Variants in ADARB2 observed in about 807,000 individuals in gnomAD.
ADARB2 encodes inactive double-stranded RNA-specific editase B2.
A neutral mutation model predicts 62.2 loss-of-function variants in ADARB2; 25 were observed. That is an observed-to-expected ratio of 0.40 (90% CI 0.29 to 0.56). The LOEUF (loss-of-function observed/expected upper bound fraction) is 0.56, where lower values mean the gene tolerates loss of function less well. Among genes scored for constraint, ADARB2 ranks in the 20% least tolerant of loss-of-function variants. ADARB2 has a pLI of 0.43. For synonymous variants in ADARB2, 572 were observed against 500.8 expected (o/e 1.14, Z -1.90); for missense variants, 1,071 against 1,077.4 (o/e 0.99, Z 0.08).
At chr10:1,367,731 G>C (rs572593246) in intron 2 of ADARB2, among the ~76,000 whole-genome samples, 1 of 152,090 alleles carries the variant, frequency 6.6e-6, no homozygotes, top group Non-Finnish European at 1.5e-5. Context: ...TTGATTTCTC[G>C]CAAGGTGGGG....
chr10:1,201,592 CAG>C (rs1302880563), intron 7 of ADARB2, among the ~76,000 whole-genome samples: 3 of 151,272 alleles, frequency 2.0e-5, no homozygotes, highest in African/African-American at 7.3e-5. Flanking sequence ...CTTCATTCCA[CAG>C]AGTGTCTGCC....
chr10:1,522,315 C>T (rs1009307172), intron 1 of ADARB2, among the ~76,000 whole-genome samples: 2 of 152,134 alleles, frequency 1.3e-5, no homozygotes, highest in African/African-American at 4.8e-5. Flanking sequence ...GCCTCACAAA[C>T]TATAGGAATC....
chr10:1,189,583 A>G (rs1836809740), intron 8 of ADARB2, among the ~76,000 whole-genome samples: 1 of 152,064 alleles, frequency 6.6e-6, no homozygotes, highest in Non-Finnish European at 1.5e-5. Flanking sequence ...TGAAGTGGGC[A>G]TCGGCTGATT....
chr10:1,384,855 C>G (rs1489591241), intron 1 of ADARB2, among the ~76,000 whole-genome samples: 1 of 152,126 alleles, frequency 6.6e-6, no homozygotes, highest in Non-Finnish European at 1.5e-5. Context: ...AGGAGAGACT[C>G]AGATTTCACA....
At chr10:1,481,713 T>C (rs1049630842) in intron 1 of ADARB2, among the ~76,000 whole-genome samples, 13 of 151,834 alleles carry the variant, frequency 8.6e-5, no homozygotes, top group South Asian at 4.2e-4. Context: ...AAAAATTAGC[T>C]GGGTATGGGG....
At chr10:1,686,358 T>C (rs1232584092) in intron 1 of ADARB2, among the ~76,000 whole-genome samples, 2 of 152,222 alleles carry the variant, frequency 1.3e-5, no homozygotes, top group Non-Finnish European at 2.9e-5. Flanking sequence ...GACAGGATCA[T>C]GTGCTGGGAG....
chr10:1,345,431 C>T (rs1832072171), intron 3 of ADARB2, among the ~76,000 whole-genome samples: 1 of 152,208 alleles, frequency 6.6e-6, no homozygotes, highest in Admixed American at 6.5e-5. Flanking sequence ...TCCCAGAAGG[C>T]TTTCCTTTGG....
intron 4 of ADARB2, among the ~76,000 whole-genome samples, chr10:1,251,513 T>C (rs188071402): frequency 2.8e-4 from 43 of 152,340 alleles, no homozygotes; most frequent in African/African-American, 9.4e-4. Flanking sequence ...CATGTCATTA[T>C]ACATTTGTCC....
At position 1,180,678 on chromosome 10, in the gene ADARB2, C is replaced by T; in HGVS notation, c.*2515G>A. 6.6e-6 allele frequency: 1 copy of T among 152,586 alleles called. No homozygotes were observed. Among genetic ancestry groups the T allele is most frequent in the Non-Finnish European group, 1.5e-5 (1 of 68,212 alleles). The allele number at this position is 152,586 out of a possible 1,614,324, so 9.5% of individuals were successfully genotyped here. ...CCTTACGTGGGGTCCCCTCTGCAGC[C>T]CACATCCCCTCTGACAGATCCCTCC... On this transcript the variant is annotated 3_prime_UTR_variant, in exon 10 of 10. Coordinates refer to ENST00000381312, the MANE Select transcript of ADARB2 (RefSeq NM_018702.4).
chr10:1,501,392 G>A (rs754933812), intron 1 of ADARB2, among the ~76,000 whole-genome samples: 4 of 152,160 alleles, frequency 2.6e-5, no homozygotes, highest in Admixed American at 1.3e-4. Context: ...TCCTCAATGT[G>A]CCACACAGCC....
chr10:1,216,331 A>C (rs898882647), intron 7 of ADARB2: 4 of 153,704 alleles, frequency 2.6e-5, no homozygotes, highest in African/African-American at 9.7e-5. Flanking sequence ...TGGGCAGAGC[A>C]GCTCAGGAGC....
At chr10:1,693,909 C>T (rs1244036885) in intron 1 of ADARB2, among the ~76,000 whole-genome samples, 2 of 152,222 alleles carry the variant, frequency 1.3e-5, no homozygotes, top group East Asian at 1.9e-4. Flanking sequence ...ATACAGGAAT[C>T]CTGGTCCACC....
In ADARB2 at chr10:1,463,497, G is replaced by T. The variant is rs541652283; in HGVS notation, c.101-84337C>A. ...GCTAAAGTGGTTAACCCGGGCTTAA[G>T]AAGCGCGCGTATTCATCTCAGAATG... On this transcript the variant is annotated intron_variant, in intron 1 of 9. Transcript: ENST00000381312. Among the ~76,000 whole-genome samples, 123 of 152,330 alleles carry T rather than the reference G, an allele frequency of 8.1e-4. 2 individuals are homozygous for T. In the Middle Eastern group the frequency reaches 0.024, roughly 29 times the overall value.
At chr10:1,573,676 G>A (rs1832970387) in intron 1 of ADARB2, among the ~76,000 whole-genome samples, 1 of 152,180 alleles carries the variant, frequency 6.6e-6, no homozygotes, top group Non-Finnish European at 1.5e-5. Context: ...GGAGGTTGAG[G>A]AGGAAAATGC....
chr10:1,341,828 C>T (rs1469327186), intron 3 of ADARB2, among the ~76,000 whole-genome samples: 1 of 152,124 alleles, frequency 6.6e-6, no homozygotes, highest in Non-Finnish European at 1.5e-5. Flanking sequence ...CAGTGATAAC[C>T]AGCATCCACC....
At chr10:1,589,247 C>T (rs1159634674) in intron 1 of ADARB2, among the ~76,000 whole-genome samples, 1 of 152,230 alleles carries the variant, frequency 6.6e-6, no homozygotes, top group African/African-American at 2.4e-5. Context: ...GGAACCTACC[C>T]ACCTTCAGCC....
intron 8 of ADARB2, among the ~76,000 whole-genome samples, chr10:1,185,527 G>A (rs543444787): frequency 6.7e-6 from 1 of 149,680 alleles, no homozygotes; most frequent in Non-Finnish European, 1.5e-5. Context: ...ATAAAAACCA[G>A]GCAGAAATGA....
chr10:1,584,301 C>T (rs1314277280), intron 1 of ADARB2, among the ~76,000 whole-genome samples: 1 of 152,098 alleles, frequency 6.6e-6, no homozygotes, highest in African/African-American at 2.4e-5. Context: ...TGATACCACG[C>T]CAAAGAAGAG....
At chr10:1,490,636 G>A (rs1335064788) in intron 1 of ADARB2, among the ~76,000 whole-genome samples, 1 of 152,098 alleles carries the variant, frequency 6.6e-6, no homozygotes, top group Non-Finnish European at 1.5e-5. Context: ...TGTATTTTTA[G>A]TAGAGATGGG....
Sources: gnomAD v4.1 joint callset for allele counts (sites outside exome capture counted in the v4.1 genomes callset) on GRCh38, gnomAD v4.1.1 for gene constraint, MANE v1.5 for transcripts, NCBI Gene and HGNC (gene_info 2026-07-23, HGNC 2026-07-21) for gene names.